The following MGMT variants were observed in gnomAD, a reference collection of about 807,000 sequenced individuals.
The protein encoded by MGMT is methylated-DNA--protein-cysteine methyltransferase.
In MGMT, 14 loss-of-function variants were observed where a neutral mutation model predicts 15.9. The observed-to-expected ratio is 0.88, with a 90% confidence interval of 0.58 to 1.37. The LOEUF (loss-of-function observed/expected upper bound fraction) is 1.37, where lower values mean the gene tolerates loss of function less well. Ranked by LOEUF, MGMT falls within the 40% of genes most tolerant of loss-of-function variation. The probability of loss-of-function intolerance (pLI) is 0.00; values close to 1 mark genes in which losing one functional copy is unlikely to be tolerated. For missense variants in MGMT, 282 were observed against 268.1 expected (o/e 1.05, Z -0.36); for synonymous variants, 130 against 118.2 (o/e 1.10, Z -0.65).
chr10:129,631,445 G>A (rs994388446), intron 2 of MGMT, among the ~76,000 whole-genome samples: 2 of 152,170 alleles, frequency 1.3e-5, no homozygotes, highest in Admixed American at 6.6e-5. Flanking sequence ...TAATAACAAT[G>A]ATGGCTTACA....
chr10:129,612,943 C>T (rs1416251845), intron 2 of MGMT, among the ~76,000 whole-genome samples: 3 of 152,174 alleles, frequency 2.0e-5, no homozygotes, highest in East Asian at 3.9e-4. Context: ...GCGGTGACAT[C>T]CTGTAACATT....
At chr10:129,573,326 G>T (rs755208013) in intron 2 of MGMT, among the ~76,000 whole-genome samples, 30 of 152,094 alleles carry the variant, frequency 2.0e-4, no homozygotes, top group Non-Finnish European at 3.7e-4. Flanking sequence ...TTACAGAAAA[G>T]TCACAAAGAT....
intron 2 of MGMT, among the ~76,000 whole-genome samples, chr10:129,575,089 A>G (rs1846464345): frequency 6.6e-6 from 1 of 152,106 alleles, no homozygotes; most frequent in Non-Finnish European, 1.5e-5. Flanking sequence ...ATAATGGGAG[A>G]CTTTAACACC....
chr10:129,694,509 A>G (rs1848007997), intron 2 of MGMT, among the ~76,000 whole-genome samples: 1 of 152,236 alleles, frequency 6.6e-6, no homozygotes, highest in African/African-American at 2.4e-5. Context: ...TGGACTTGCC[A>G]GCCTTCTTTG....
intron 2 of MGMT, among the ~76,000 whole-genome samples, chr10:129,676,671 TAAAAG>T (rs1425257813): frequency 1.3e-5 from 2 of 152,156 alleles, no homozygotes; most frequent in Non-Finnish European, 2.9e-5. Context: ...TTCTTTTAAA[TAAAAG>T]AAACCATTAA....
chr10:129,477,861 AT>A (rs536201991), intron 1 of MGMT, among the ~76,000 whole-genome samples: 46 of 152,346 alleles, frequency 3.0e-4, no homozygotes, highest in Middle Eastern at 3.4e-3. Flanking sequence ...TGAAGTTGGA[AT>A]TTGGGGCTGA....
intron 2 of MGMT, among the ~76,000 whole-genome samples, chr10:129,579,992 G>T (rs1846533129): frequency 6.6e-6 from 1 of 152,242 alleles, no homozygotes; most frequent in African/African-American, 2.4e-5. Flanking sequence ...TTAGGCCGGT[G>T]TGTGGTACTG....
chr10:129,561,092 C>T (rs1846272646), intron 2 of MGMT, among the ~76,000 whole-genome samples: 1 of 152,042 alleles, frequency 6.6e-6, no homozygotes, highest in South Asian at 2.1e-4. Context: ...TGGGAAGGTG[C>T]CCTTTCACCC....
chr10:129,740,341 G>T (rs1305985492), intron 3 of MGMT, among the ~76,000 whole-genome samples: 1 of 152,130 alleles, frequency 6.6e-6, no homozygotes, highest in South Asian at 2.1e-4. Flanking sequence ...AGGCCATCTG[G>T]GGGTAGCACT....
chr10:129,542,234 C>T (rs1258547729), intron 2 of MGMT, among the ~76,000 whole-genome samples: 6 of 152,126 alleles, frequency 3.9e-5, no homozygotes, highest in South Asian at 2.1e-4. Flanking sequence ...GACCCTCAGC[C>T]GTGCATGGGG....
intron 2 of MGMT, among the ~76,000 whole-genome samples, chr10:129,620,090 G>A (rs931611188): frequency 5.9e-5 from 9 of 152,164 alleles, no homozygotes; most frequent in East Asian, 1.9e-4. Context: ...ATTGGAGGCC[G>A]TTCATGATCC....
intron 1 of MGMT, among the ~76,000 whole-genome samples, chr10:129,472,497 C>T (rs1564827798): frequency 6.6e-6 from 1 of 152,118 alleles, no homozygotes. Context: ...CAATCCGAAT[C>T]TGTATTTTGC....
chr10:129,493,379 C>G (rs1208180885), intron 1 of MGMT, among the ~76,000 whole-genome samples: 1 of 152,166 alleles, frequency 6.6e-6, no homozygotes, highest in African/African-American at 2.4e-5. Flanking sequence ...TCCTCCAGCC[C>G]TGGCTTACTC....
In MGMT at chr10:129,770,110, C is replaced by T. The variant is rs1045842494; in HGVS notation, c.*3113C>T. On this transcript the variant is annotated 3_prime_UTR_variant, in exon 5 of 5. Transcript: ENST00000651593. ...CTCTGCGACTTAAGCTTCTCTGGTGCGTCGCGCCCCACGTGCTTCTCCAGA... is the reference window on the plus strand; with the variant it reads ...CTCTGCGACTTAAGCTTCTCTGGTGTGTCGCGCCCCACGTGCTTCTCCAGA... Among the ~76,000 whole-genome samples the T allele has an allele frequency of 1.1e-4, 17 of 152,300 alleles. No individual in the cohort carries two copies. The highest frequency in any genetic ancestry group is 3.4e-3 in the Middle Eastern group (1 of 294).
At chr10:129,520,866 T>G (rs1845800043) in intron 1 of MGMT, among the ~76,000 whole-genome samples, 1 of 149,550 alleles carries the variant, frequency 6.7e-6, no homozygotes, top group South Asian at 2.1e-4. Flanking sequence ...ATGGTGCGGG[T>G]ACAGAGCCCC....
At chr10:129,558,515 G>A (rs1419442674) in intron 2 of MGMT, among the ~76,000 whole-genome samples, 2 of 152,190 alleles carry the variant, frequency 1.3e-5, no homozygotes, top group Non-Finnish European at 2.9e-5. Flanking sequence ...TTGTGGTGGC[G>A]GGGGCCAGTT....
intron 2 of MGMT, among the ~76,000 whole-genome samples, chr10:129,600,810 G>A (rs998864295): frequency 1.3e-5 from 2 of 152,158 alleles, no homozygotes; most frequent in African/African-American, 4.8e-5. Flanking sequence ...GAATTAATGG[G>A]AAACCTGGCT....
intron 2 of MGMT, among the ~76,000 whole-genome samples, chr10:129,687,756 G>C (rs1238892168): frequency 6.8e-6 from 1 of 148,054 alleles, no homozygotes; most frequent in Admixed American, 6.8e-5. Context: ...GTGCAGGTTT[G>C]TTACGTATGT....
chr10:129,580,812 T>C (rs953471817), intron 2 of MGMT, among the ~76,000 whole-genome samples: 7 of 152,202 alleles, frequency 4.6e-5, no homozygotes, highest in African/African-American at 1.7e-4. Context: ...GTGCCTTCCT[T>C]GTGTGCTTCC....
Sources: allele counts gnomAD v4.1 joint callset (sites outside exome capture counted in the v4.1 genomes callset), GRCh38; gene constraint gnomAD v4.1.1; transcripts MANE v1.5; gene names NCBI Gene and HGNC (gene_info 2026-07-23, HGNC 2026-07-21).